GPM6A: variants seen among roughly 807,000 people sequenced by gnomAD.
GPM6A encodes the protein glycoprotein M6A.
In GPM6A, 7 loss-of-function variants were observed where a neutral mutation model predicts 32.1. That is an observed-to-expected ratio of 0.22 (90% CI 0.12 to 0.41). GPM6A has a LOEUF of 0.41. Among genes scored for constraint, GPM6A ranks in the 10% least tolerant of loss-of-function variants. The probability of loss-of-function intolerance (pLI) is 1.00; values close to 1 mark genes in which losing one functional copy is unlikely to be tolerated. For missense variants in GPM6A, 235 were observed against 347.2 expected (o/e 0.68, Z 2.57); for synonymous variants, 130 against 123.4 (o/e 1.05, Z -0.35).
At chr4:175,915,747 T>C (rs1579623814) in intron 1 of GPM6A, among the ~76,000 whole-genome samples, 1 of 151,968 alleles carries the variant, frequency 6.6e-6, no homozygotes, top group Admixed American at 6.6e-5. Context: ...ATACTCAGGG[T>C]ATGGGGAAAA....
chr4:175,790,185 G>A (rs919218487), intron 1 of GPM6A: 3 of 152,110 alleles, frequency 2.0e-5, no homozygotes, highest in African/African-American at 7.2e-5. Context: ...TATCTACACA[G>A]TTTTTTATTC....
intron 1 of GPM6A, among the ~76,000 whole-genome samples, chr4:175,720,431 C>A (rs1746059500): frequency 6.6e-6 from 1 of 152,086 alleles, no homozygotes; most frequent in Non-Finnish European, 1.5e-5. Flanking sequence ...GAAGAATGTC[C>A]ATGGAATATC....
At position 175,696,422 on chromosome 4, in the gene GPM6A, G is replaced by A. The variant is rs115166310; in HGVS notation, c.230+5153C>T. On this transcript the variant is annotated intron_variant, in intron 2 of 6. Transcript: ENST00000393658. ...CCTCATGGTTCAAGTATTTGGTTTTGTTCTTGTTGTTATTTCATATTGGTG... is the reference window on the plus strand; with the variant it reads ...CCTCATGGTTCAAGTATTTGGTTTTATTCTTGTTGTTATTTCATATTGGTG... Among the ~76,000 whole-genome samples, 767 of 152,212 alleles carry A rather than the reference G, an allele frequency of 5.0e-3. 2 individuals carry two copies. Among genetic ancestry groups the A allele is most frequent in the Non-Finnish European group, 8.0e-3 (547 of 67,998 alleles).
At chr4:175,742,493 T>C (rs942944889) in intron 1 of GPM6A, among the ~76,000 whole-genome samples, 23 of 152,256 alleles carry the variant, frequency 1.5e-4, no homozygotes, top group African/African-American at 5.3e-4. Flanking sequence ...TTTTATTACT[T>C]TATTTCATCC....
chr4:175,650,723 G>C (rs1313156266), intron 4 of GPM6A, among the ~76,000 whole-genome samples: 1 of 152,066 alleles, frequency 6.6e-6, no homozygotes, highest in Non-Finnish European at 1.5e-5. Context: ...ACAGCTAGTT[G>C]GCTACCCTAT....
At chr4:175,876,866 G>C (rs2111449270) in intron 1 of GPM6A, among the ~76,000 whole-genome samples, 1 of 152,218 alleles carries the variant, frequency 6.6e-6, no homozygotes, top group South Asian at 2.1e-4. Context: ...ATTGAGGCTA[G>C]AAAACACAAA....
chr4:175,709,653 G>A (rs1207345026), intron 1 of GPM6A, among the ~76,000 whole-genome samples: 8 of 150,842 alleles, frequency 5.3e-5, no homozygotes, highest in East Asian at 3.9e-4. Flanking sequence ...GCTTGAACCC[G>A]GGAGGTGGAA....
At chr4:175,970,246 G>A (rs927007330) in intron 1 of GPM6A, among the ~76,000 whole-genome samples, 3 of 152,252 alleles carry the variant, frequency 2.0e-5, no homozygotes, top group Middle Eastern at 3.4e-3. Context: ...AAACACACCA[G>A]ACTTGTGCTT....
In GPM6A at chr4:175,992,060, G is replaced by GCACGCACACACACA. The variant is rs71770965; in HGVS notation, c.-23+10248_-23+10249insTGTGTGTGTGCGTG. ...GAACCCCCTACACACAAACACACAT[G>GCACGCACACACACA]CACACACACACACACACACACACAC... On this transcript the variant is annotated intron_variant, in intron 1 of 7. Transcript: ENST00000280187. Among the ~76,000 whole-genome samples the GCACGCACACACACA allele has an allele frequency of 9.8e-3, 1,350 of 137,118 alleles. 22 individuals carry two copies. The highest frequency in any genetic ancestry group is 0.035 in the African/African-American group (1,277 of 36,162). 90.0% of individuals were successfully genotyped at this position (137,118 alleles called of 152,430 possible).
intron 1 of GPM6A, among the ~76,000 whole-genome samples, chr4:175,811,094 T>C (rs1354733436): frequency 6.6e-6 from 1 of 152,110 alleles, no homozygotes; most frequent in African/African-American, 2.4e-5. Context: ...TGCCTCAAAG[T>C]ATGTGTGTGT....
intron 1 of GPM6A, among the ~76,000 whole-genome samples, chr4:175,965,586 T>C (rs1579670628): frequency 6.7e-6 from 1 of 148,920 alleles, no homozygotes; most frequent in Admixed American, 6.7e-5. Flanking sequence ...AATCAGAATA[T>C]CAGAAATGAA....
intron 4 of GPM6A, among the ~76,000 whole-genome samples, chr4:175,649,496 T>C (rs1267184682): frequency 6.6e-6 from 1 of 152,218 alleles, no homozygotes; most frequent in Non-Finnish European, 1.5e-5. Flanking sequence ...CAATGTTTTT[T>C]CAGTTTAGAA....
chr4:175,995,798 A>G (rs1244134904), intron 1 of GPM6A, among the ~76,000 whole-genome samples: 1 of 152,238 alleles, frequency 6.6e-6, no homozygotes, highest in Non-Finnish European at 1.5e-5. Context: ...CATACCTTAT[A>G]TATCTTAAAA....
At chr4:175,811,038 G>A (rs918280543) in intron 1 of GPM6A, among the ~76,000 whole-genome samples, 1 of 151,792 alleles carries the variant, frequency 6.6e-6, no homozygotes, top group South Asian at 2.1e-4. Flanking sequence ...ATTTAATATC[G>A]ATGGTCCTTT....
chr4:175,642,477 A>C (rs935687410), intron 4 of GPM6A, among the ~76,000 whole-genome samples: 3 of 152,086 alleles, frequency 2.0e-5, no homozygotes, highest in African/African-American at 7.2e-5. Flanking sequence ...ACCCCCCTCC[A>C]TGGAAATTTT....
intron 1 of GPM6A, among the ~76,000 whole-genome samples, chr4:175,783,741 A>G (rs1733694988): frequency 1.3e-5 from 2 of 149,492 alleles, no homozygotes; most frequent in South Asian, 4.4e-4. Context: ...TTGTCACATT[A>G]TATCACAATA....
chr4:175,852,868 G>A (rs1043174051), intron 1 of GPM6A, among the ~76,000 whole-genome samples: 6 of 152,118 alleles, frequency 3.9e-5, no homozygotes, highest in African/African-American at 1.4e-4. Flanking sequence ...ACAGCAATAT[G>A]TAAATCAGAA....
At chr4:175,793,866 T>C (rs1734108130) in intron 1 of GPM6A, among the ~76,000 whole-genome samples, 1 of 152,242 alleles carries the variant, frequency 6.6e-6, no homozygotes, top group Admixed American at 6.5e-5. Flanking sequence ...TACTTTTTTA[T>C]GATATTGTCA....
chr4:175,913,006 G>A (rs963468136), intron 1 of GPM6A, among the ~76,000 whole-genome samples: 10 of 151,972 alleles, frequency 6.6e-5, no homozygotes, highest in Admixed American at 3.9e-4. Context: ...ATATACATAC[G>A]TATATGGCAA....
Sources: gnomAD v4.1 joint callset for allele counts (sites outside exome capture counted in the v4.1 genomes callset) on GRCh38, gnomAD v4.1.1 for gene constraint, MANE v1.5 for transcripts, NCBI Gene and HGNC (gene_info 2026-07-23, HGNC 2026-07-21) for gene names.